Variants in SPAG17 observed in about 807,000 individuals in gnomAD.
SPAG17 encodes sperm-associated antigen 17.
SPAG17 carries 169 observed loss-of-function variants against 273.6 expected under a neutral mutation model. The ratio of observed to expected loss-of-function variants is 0.62; its 90% CI spans 0.55 to 0.70. The LOEUF is 0.70. Among genes scored for constraint, SPAG17 ranks in the 30% least tolerant of loss-of-function variants. The probability of loss-of-function intolerance (pLI) is 0.00; values close to 1 mark genes in which losing one functional copy is unlikely to be tolerated. For missense variants in SPAG17, 2,557 were observed against 2,627.8 expected, an observed-to-expected ratio of 0.97 and a Z score of 0.59; for synonymous variants, 825 against 873.2, an observed-to-expected ratio of 0.94 and a Z score of 0.97.
intron 3 of SPAG17, among the ~76,000 whole-genome samples, chr1:118,141,007 A>T (rs538145944): frequency 1.7e-4 from 26 of 152,170 alleles, no homozygotes; most frequent in Admixed American, 4.6e-4. Flanking sequence ...TGCTCTTTTC[A>T]GTTGGATCTT....
Position 117,958,941 on chromosome 1 carries a change from A to T in SPAG17, c.*4858T>A, listed in dbSNP as rs748019710. 1 of 1,613,924 alleles carries T rather than the reference A, an allele frequency of 6.2e-7. No homozygotes were observed. Among genetic ancestry groups the T allele is most frequent in the East Asian group, 2.2e-5 (1 of 44,874 alleles). On this transcript the variant is annotated intron_variant, in intron 48 of 48. Transcript: ENST00000336338. ...CTTTGGACAGATCACTAGCAATCAA[A>T]TGCTTGTGCCAGTGATAGAAAAATT...
At chr1:118,119,221 G>A (rs1018847043) in intron 3 of SPAG17, among the ~76,000 whole-genome samples, 1 of 152,220 alleles carries the variant, frequency 6.6e-6, no homozygotes, top group Non-Finnish European at 1.5e-5. Flanking sequence ...GAAGCCTGCT[G>A]TATGATTTCC....
chr1:118,070,254 T>C (rs976849788), intron 17 of SPAG17, among the ~76,000 whole-genome samples: 5 of 152,182 alleles, frequency 3.3e-5, no homozygotes, highest in African/African-American at 1.2e-4. Flanking sequence ...GTCCTAAGAT[T>C]AATTTTAGGA....
chr1:118,013,487 C>T (rs1253101324), intron 29 of SPAG17, among the ~76,000 whole-genome samples: 4 of 152,126 alleles, frequency 2.6e-5, no homozygotes, highest in Non-Finnish European at 5.9e-5. Flanking sequence ...TGGGGTTAAG[C>T]TGAGTTTGAA....
intron 1 of SPAG17, among the ~76,000 whole-genome samples, chr1:118,153,006 C>T (rs962123673): frequency 2.9e-4 from 44 of 152,148 alleles, no homozygotes; most frequent in African/African-American, 1.1e-3. Context: ...CCACCTTTAC[C>T]CCCTTATCCC....
At chr1:117,954,904 C>T (rs1651944453) in intron 48 of SPAG17, among the ~76,000 whole-genome samples, 1 of 152,076 alleles carries the variant, frequency 6.6e-6, no homozygotes, top group African/African-American at 2.4e-5. Context: ...TCTGAAGATT[C>T]TGTTAATCTA....
chr1:117,981,240 G>T, intron 43 of SPAG17, 30 bp downstream of exon 43: 1 of 1,538,620 alleles, frequency 6.5e-7, no homozygotes, highest in East Asian at 2.4e-5. Flanking sequence ...TCAGTTTCAA[G>T]AAGCAATAAG....
At chr1:118,007,688 G>A (rs990438654) in intron 31 of SPAG17, among the ~76,000 whole-genome samples, 1 of 152,142 alleles carries the variant, frequency 6.6e-6, no homozygotes, top group South Asian at 2.1e-4. Context: ...AATGAGGGTC[G>A]AGGCGGCAGG....
At chr1:118,089,589 A>C (rs1044170849) in intron 10 of SPAG17, among the ~76,000 whole-genome samples, 1 of 152,200 alleles carries the variant, frequency 6.6e-6, no homozygotes, top group African/African-American at 2.4e-5. Flanking sequence ...GATTATCTTC[A>C]AAGAAAAAAG....
chr1:118,139,199 G>A (rs1658527358), intron 3 of SPAG17, among the ~76,000 whole-genome samples: 1 of 152,122 alleles, frequency 6.6e-6, no homozygotes, highest in African/African-American at 2.4e-5. Flanking sequence ...ATAGACAACA[G>A]ATATATGAAC....
chr1:118,155,486 GA>G (rs1174974726), intron 1 of SPAG17, among the ~76,000 whole-genome samples: 2 of 152,182 alleles, frequency 1.3e-5, no homozygotes, highest in Non-Finnish European at 2.9e-5. Flanking sequence ...CTGATTTAGG[GA>G]AAGACAAGGG....
Position 118,044,044 on chromosome 1 carries a change from T to G in SPAG17, c.2815-2002A>C, listed in dbSNP as rs147394374. Among the ~76,000 whole-genome samples the G allele has an allele frequency of 3.3e-3, 501 of 152,328 alleles. 5 individuals carry two copies. The highest frequency in any genetic ancestry group is 9.7e-3 in the Admixed American group (149 of 15,300). ...TATCTGGAATTTATGGGTAGCTATA[T>G]GGAATTTACATAAATAATATTATAT... is the stretch of plus-strand genomic sequence containing the variant. On this transcript the variant is annotated intron_variant, in intron 20 of 48. Transcript: ENST00000336338.
At chr1:117,989,524 C>G (rs1656826831) in intron 38 of SPAG17, among the ~76,000 whole-genome samples, 1 of 151,964 alleles carries the variant, frequency 6.6e-6, no homozygotes, top group Non-Finnish European at 1.5e-5. Flanking sequence ...CCCCATGACC[C>G]AAACACCTCC....
intron 4 of SPAG17, among the ~76,000 whole-genome samples, chr1:118,109,851 A>G (rs1172385695): frequency 1.3e-5 from 2 of 152,124 alleles, no homozygotes; most frequent in Non-Finnish European, 2.9e-5. Flanking sequence ...AATTTGAGAG[A>G]CCGTAGGTTA....
intron 3 of SPAG17, among the ~76,000 whole-genome samples, chr1:118,125,235 A>G (rs1657647301): frequency 6.8e-6 from 1 of 146,708 alleles, no homozygotes; most frequent in South Asian, 2.1e-4. Context: ...GTATTCATAT[A>G]TATATATATA....
intron 34 of SPAG17, 72 bp from the exon 35 acceptor site, chr1:117,994,602 T>A: frequency 6.8e-7 from 1 of 1,480,890 alleles, no homozygotes; most frequent in Non-Finnish European, 9.1e-7. Flanking sequence ...ACGCATTGAC[T>A]AAATTCAACA....
intron 10 of SPAG17, among the ~76,000 whole-genome samples, chr1:118,090,279 G>A (rs1655277423): frequency 6.6e-6 from 1 of 152,156 alleles, no homozygotes; most frequent in Admixed American, 6.5e-5. Flanking sequence ...CAATGACCAT[G>A]TTACATCAGG....
chr1:117,958,982 T>A (rs770590738), intron 48 of SPAG17: 7 of 1,613,846 alleles, frequency 4.3e-6, no homozygotes, highest in African/African-American at 1.3e-5. Context: ...AAACAACTAT[T>A]TCAAAAGTCA....
intron 1 of SPAG17, among the ~76,000 whole-genome samples, chr1:118,158,847 A>C (rs967722830): frequency 2.6e-5 from 4 of 152,160 alleles, no homozygotes; most frequent in African/African-American, 9.7e-5. Flanking sequence ...AATCCCAGTG[A>C]CTCCTGGACT....
Sources: allele counts gnomAD v4.1 joint callset (sites outside exome capture counted in the v4.1 genomes callset), GRCh38; gene constraint gnomAD v4.1.1; transcripts MANE v1.5; gene names NCBI Gene and HGNC (gene_info 2026-07-23, HGNC 2026-07-21).